Variants in CLDN16 observed in about 807,000 individuals in gnomAD.
CLDN16 encodes the protein claudin 16.
A neutral mutation model predicts 24.6 loss-of-function variants in CLDN16; 13 were observed. That is an observed-to-expected ratio of 0.53 (90% CI 0.34 to 0.84). The LOEUF is 0.84. CLDN16 is among the 40% of genes least tolerant of loss of function. CLDN16 has a pLI of 0.01. For synonymous variants in CLDN16, 116 were observed against 106.7 expected (o/e 1.09, Z -0.54); for missense variants, 298 against 292.7 (o/e 1.02, Z -0.13).
chr3:190,290,597 T>C, the CLDN16 span, among the ~76,000 whole-genome samples: 2 of 152,188 alleles, frequency 1.3e-5, no homozygotes, highest in African/African-American at 4.8e-5. Flanking sequence ...AGGAGGTAAG[T>C]GATAAAAGCA....
At chr3:190,348,625 CCTT>C (rs1163533156) in intron 1 of CLDN16, among the ~76,000 whole-genome samples, 2 of 152,074 alleles carry the variant, frequency 1.3e-5, no homozygotes, top group Non-Finnish European at 2.9e-5. Context: ...GCCAAGCAAA[CCTT>C]CTTTTATGAA....
intron 1 of CLDN16, among the ~76,000 whole-genome samples, chr3:190,362,526 A>G (rs1027625763): frequency 2.0e-5 from 3 of 151,980 alleles, no homozygotes; most frequent in African/African-American, 4.8e-5. Flanking sequence ...GAGTAATAAT[A>G]AAACTCCAGT....
At chr3:190,393,426 T>C (rs1043696061) in intron 1 of CLDN16, among the ~76,000 whole-genome samples, 2 of 152,168 alleles carry the variant, frequency 1.3e-5, no homozygotes, top group Non-Finnish European at 2.9e-5. Context: ...TTAGACAGAC[T>C]CTTAAATAGC....
At chr3:190,317,066 A>T in the CLDN16 span, among the ~76,000 whole-genome samples, 83 of 152,310 alleles carry the variant, frequency 5.4e-4, no homozygotes, top group African/African-American at 1.9e-3. Context: ...AGAGAAGTTA[A>T]AAAGGATGTT....
upstream of CLDN16, chr3:190,388,070 C>G: frequency 6.4e-7 from 1 of 1,551,820 alleles, no homozygotes; most frequent in Non-Finnish European, 8.9e-7. Flanking sequence ...GAAACACACT[C>G]AGCCCTTGCA....
At chr3:190,297,618 TA>T in the CLDN16 span, among the ~76,000 whole-genome samples, 3 of 139,478 alleles carry the variant, frequency 2.2e-5, no homozygotes, top group African/African-American at 5.2e-5. Flanking sequence ...ATAATATCTA[TA>T]ATATAATATA....
At chr3:190,377,061 G>A (rs1171032009) in intron 3 of CLDN16, among the ~76,000 whole-genome samples, 2 of 151,818 alleles carry the variant, frequency 1.3e-5, no homozygotes, top group East Asian at 1.9e-4. Flanking sequence ...TCCAGGCAAC[G>A]GGAAGAGCCT....
At chr3:190,290,890 A>G in the CLDN16 span, among the ~76,000 whole-genome samples, 1 of 152,206 alleles carries the variant, frequency 6.6e-6, no homozygotes, top group Non-Finnish European at 1.5e-5. Flanking sequence ...AAAATTCTAC[A>G]TATCTGTGGG....
At chr3:190,404,250 G>C (rs1166601192) in intron 2 of CLDN16, among the ~76,000 whole-genome samples, 1 of 152,010 alleles carries the variant, frequency 6.6e-6, no homozygotes, top group Admixed American at 6.5e-5. Flanking sequence ...TCTCCTTATG[G>C]CTTCTTCTAT....
At chr3:190,356,344 A>G (rs73062532) in intron 1 of CLDN16, among the ~76,000 whole-genome samples, 2,489 of 151,936 alleles carry the variant, frequency 0.016, 79 homozygotes, top group African/African-American at 0.058. Flanking sequence ...TCTGAAAGTC[A>G]TAAGTTTCAA....
the CLDN16 span, among the ~76,000 whole-genome samples, chr3:190,298,602 T>A: frequency 6.6e-6 from 1 of 152,000 alleles, no homozygotes; most frequent in Non-Finnish European, 1.5e-5. Context: ...ATTACAGGCA[T>A]GTGCCACCAC....
At chr3:190,307,112 G>A in the CLDN16 span, 3 of 152,568 alleles carry the variant, frequency 2.0e-5, no homozygotes, top group African/African-American at 7.2e-5. Flanking sequence ...TCTTCTAACT[G>A]GTTAAGTATC....
intron 1 of CLDN16, among the ~76,000 whole-genome samples, chr3:190,336,840 A>G (rs1717321617): frequency 6.6e-6 from 1 of 152,252 alleles, no homozygotes; most frequent in Admixed American, 6.5e-5. Flanking sequence ...CAGTCCAAGT[A>G]ATAAACTACA....
intron 1 of CLDN16, among the ~76,000 whole-genome samples, chr3:190,354,281 CCA>C: frequency 6.6e-6 from 1 of 151,974 alleles, no homozygotes; most frequent in Non-Finnish European, 1.5e-5. Flanking sequence ...ATTTTGTCAA[CCA>C]CAGTTTCTTT....
intron 1 of CLDN16, among the ~76,000 whole-genome samples, chr3:190,393,431 A>C (rs1430835198): frequency 6.6e-6 from 1 of 152,166 alleles, no homozygotes; most frequent in African/African-American, 2.4e-5. Context: ...CAGACTCTTA[A>C]ATAGCTATAA....
At chr3:190,290,998 G>A in the CLDN16 span, among the ~76,000 whole-genome samples, 9,521 of 152,156 alleles carry the variant, frequency 0.063, 370 homozygotes, top group Middle Eastern at 0.11. Context: ...TGAGGGGCTG[G>A]GTTATGTACT....
At chr3:190,323,073 C>G (rs1440259174) in intron 1 of CLDN16, among the ~76,000 whole-genome samples, 1 of 151,526 alleles carries the variant, frequency 6.6e-6, no homozygotes, top group African/African-American at 2.4e-5. Flanking sequence ...GCTCCCCTCC[C>G]AATCTGCTTT....
intron 1 of CLDN16, among the ~76,000 whole-genome samples, chr3:190,341,959 T>C (rs763598558): frequency 5.9e-5 from 9 of 152,158 alleles, no homozygotes; most frequent in Non-Finnish European, 1.3e-4. Context: ...TTGCTCCAGT[T>C]CCCCAAAAGG....
intron 1 of CLDN16, among the ~76,000 whole-genome samples, chr3:190,334,495 T>C (rs1717255522): frequency 6.6e-6 from 1 of 152,224 alleles, no homozygotes; most frequent in Non-Finnish European, 1.5e-5. Flanking sequence ...TGGACAATTT[T>C]TTGTGTGTGC....
Sources: gnomAD v4.1 joint callset for allele counts (sites outside exome capture counted in the v4.1 genomes callset) on GRCh38, gnomAD v4.1.1 for gene constraint, MANE v1.5 for transcripts, NCBI Gene and HGNC (gene_info 2026-07-23, HGNC 2026-07-21) for gene names.